CARD14: variants seen among roughly 807,000 people sequenced by gnomAD.
CARD14 encodes caspase recruitment domain family member 14, also known as caspase recruitment domain-containing protein 14.
In CARD14, 107 loss-of-function variants were observed where a neutral mutation model predicts 111.5. The ratio of observed to expected loss-of-function variants is 0.96; its 90% confidence interval spans 0.82 to 1.13. The LOEUF is 1.13. Among genes scored for constraint, CARD14 ranks in the 50% most tolerant of loss-of-function variants. CARD14 has a pLI of 0.00. For missense variants in CARD14, 1,322 were observed against 1,362.3 expected (o/e 0.97, Z 0.47); for synonymous variants, 617 against 579.6 (o/e 1.06, Z -0.93).
chr17:80,194,360 A>G (rs1444222733), intron 12 of CARD14, among the ~76,000 whole-genome samples: 1 of 152,182 alleles, frequency 6.6e-6, no homozygotes, highest in Non-Finnish European at 1.5e-5. Flanking sequence ...GGCACATAGT[A>G]GCTACTCCAG....
At chr17:80,187,971 G>T in intron 7 of CARD14, 1 of 987,240 alleles carries the variant, frequency 1.0e-6, no homozygotes, top group Non-Finnish European at 1.2e-6. Context: ...ACTTCTTACT[G>T]ATTTCCATGA....
Position 80,181,635 on chromosome 17 carries a change from G to A in CARD14, c.197G>A (p.Ser66Asn). The change falls in exon 5 of 24, where the codon AGC (serine) becomes AAC (asparagine). Residue 66 changes from serine (S) to asparagine (N), a missense_variant. By Grantham distance (46) the Ser-to-Asn change is conservative. Coordinates refer to ENST00000648509, the MANE Select transcript of CARD14 (RefSeq NM_001366385.1). Reference sequence around the variant, plus strand: ...CTGCACAGCCCCCGGCTCACCAACAGCGCCATGCGGGCCGGTGAGCGCAGC... The same window carrying A: ...CTGCACAGCCCCCGGCTCACCAACAACGCCATGCGGGCCGGTGAGCGCAGC... Reference protein sequence around the residue: ...EVLHSPRLTNSAMRAGHLLDL... With the variant: ...EVLHSPRLTNNAMRAGHLLDL... 1 of 1,549,240 alleles carries A rather than the reference G, an allele frequency of 6.5e-7. No individual in the cohort carries two copies. Among genetic ancestry groups the A allele is most frequent in the South Asian group, 1.2e-5 (1 of 84,022 alleles).
rs1054336537 is a variant in CARD14, at chr17:80,198,745, G to C, written c.1851+154G>C. ...TTCCTGGGCTGACGTAAAGCGTTCT[G>C]CTCATTTATAGATGAGAGTCGTGCC... is the stretch of plus-strand genomic sequence containing the variant. On this transcript the variant is annotated intron_variant, in intron 16 of 23. Transcript: ENST00000648509. The surrounding 1 kb of genome is among the most constrained non-coding windows in gnomAD (Gnocchi z 7.5). 7 of 1,538,484 alleles carry C rather than the reference G, an allele frequency of 4.5e-6. No individual in the cohort carries two copies. The African/African-American group carries it at 8.2e-5, about 18-fold the overall frequency.
At chr17:80,185,387 T>C (rs565936517) in intron 7 of CARD14, among the ~76,000 whole-genome samples, 1 of 152,312 alleles carries the variant, frequency 6.6e-6, no homozygotes. Flanking sequence ...GTTGTTTGTT[T>C]TTAATTTTTT....
chr17:80,183,189 G>A lies in CARD14; in HGVS notation c.349+399G>A, dbSNP rs184300815. 7.1e-4 allele frequency among the ~76,000 whole-genome samples: 108 copies of A among 152,316 alleles called. 1 individual carries two copies. Among genetic ancestry groups the A allele is most frequent in the African/African-American group, 1.4e-3 (59 of 41,578 alleles). On this transcript the variant is annotated intron_variant, in intron 6 of 23. Transcript: ENST00000648509. ...TCTTAGGAGGCGACAGAGCGGCCCC[G>A]GCCAGAGGGTACAGGGCCTTGGCAG...
chr17:80,194,988 C>T (rs1396646402), intron 12 of CARD14, among the ~76,000 whole-genome samples: 1 of 152,216 alleles, frequency 6.6e-6, no homozygotes, highest in Non-Finnish European at 1.5e-5. Context: ...TGTGTCAGTG[C>T]TGTGTGCTAA....
Position 80,183,999 on chromosome 17 carries a change from A to AAGGAGGTG in CARD14, c.437_444dup (p.Leu149ArgfsTer35). 6.3e-7 allele frequency: 1 copy of AAGGAGGTG among 1,588,218 alleles called. No homozygotes were observed. Among genetic ancestry groups the AAGGAGGTG allele is most frequent in the South Asian group, 1.1e-5 (1 of 87,552 alleles). ...GGAGCTGAACCAGGAAAAGGGGCAGAAGGAGGTGCTGCTGCGGCGGTGCCA... is the reference window on the plus strand; with the variant it reads ...GGAGCTGAACCAGGAAAAGGGGCAGAAGGAGGTGAGGAGGTGCTGCTGCGGCGGTGCCA... On this transcript the variant is annotated frameshift_variant, in exon 7 of 24. Transcript: ENST00000648509. LOFTEE classifies it high-confidence loss of function.
chr17:80,180,613 GTT>G (rs2040140279), intron 4 of CARD14, among the ~76,000 whole-genome samples: 1 of 152,144 alleles, frequency 6.6e-6, no homozygotes, highest in South Asian at 2.1e-4. Context: ...GTCTTGCTCT[GTT>G]GCCCAGGCTG....
At chr17:80,196,183 C>G (rs1388799819) in intron 14 of CARD14, 1 of 152,980 alleles carries the variant, frequency 6.5e-6, no homozygotes, top group Non-Finnish European at 1.5e-5. Context: ...TTAATCCTTT[C>G]CACCTCGGCG....
intron 20 of CARD14, 176 bp from the exon 21 acceptor site, chr17:80,204,859 C>T (rs2041196063): frequency 3.5e-6 from 2 of 577,664 alleles, no homozygotes; most frequent in Admixed American, 6.7e-5. Flanking sequence ...AGGAGCCGCT[C>T]AGCCAGGGGC....
In CARD14 at chr17:80,195,398, A is replaced by C. The variant is rs1443854166; in HGVS notation, c.1499+65A>C. ...GGGGTCCTTCCTGGCAACTCACCAGAGACACCAACCTAGACCTCAGGGCAT... is the reference window on the plus strand; with the variant it reads ...GGGGTCCTTCCTGGCAACTCACCAGCGACACCAACCTAGACCTCAGGGCAT... On this transcript the variant is annotated intron_variant, in intron 13 of 23. Transcript: ENST00000648509. The surrounding 1 kb of genome is among the most constrained non-coding windows in gnomAD (Gnocchi z 4.7). 23 of 1,563,330 alleles carry C rather than the reference A, an allele frequency of 1.5e-5. No individual in the cohort carries two copies. Among genetic ancestry groups the C allele is most frequent in the Non-Finnish European group, 2.0e-5 (23 of 1,150,720 alleles).
chr17:80,179,126 A>C lies in CARD14; in HGVS notation c.-196A>C, dbSNP rs957765526. The stretch of plus-strand genomic sequence containing the variant: ...TAGCATACAGATCCCTGCAAGAGGC[A>C]TCTGTCTCCAGTGGTCCAGCCTCTC... On this transcript the variant is annotated 5_prime_UTR_variant, in exon 4 of 24. Transcript: ENST00000648509. 6.6e-6 allele frequency: 1 copy of C among 152,206 alleles called. No homozygotes were observed. Among genetic ancestry groups the C allele is most frequent in the Non-Finnish European group, 1.5e-5 (1 of 68,056 alleles). The allele number at this position is 152,206 out of a possible 1,614,324, so 9.4% of individuals were successfully genotyped here.
intron 23 of CARD14, 115 bp downstream of exon 23, chr17:80,207,200 G>C: frequency 1.5e-6 from 1 of 664,228 alleles, no homozygotes; most frequent in Non-Finnish European, 2.5e-6. Flanking sequence ...CTGAGGCGCT[G>C]ACAGGGCCGT....
At position 80,195,818 on chromosome 17, in the gene CARD14, G is replaced by GT. The variant is rs1350872292; in HGVS notation, c.1594+167dup. 1.8e-5 allele frequency: 11 copies of GT among 615,112 alleles called. No homozygotes were observed. The East Asian group carries it at 2.3e-4, about 13-fold the overall frequency. 38.1% of individuals were successfully genotyped at this position (615,112 alleles called of 1,614,324 possible). A position where few individuals can be genotyped will look rare whatever the true frequency, so the allele number is the denominator to read the frequency against. On this transcript the variant is annotated intron_variant, in intron 14 of 23. Transcript: ENST00000648509. The surrounding 1 kb of genome is among the most constrained non-coding windows in gnomAD (Gnocchi z 4.7). ...GGCCTCGACCTTGCACTTTGGGAAA[G>GT]TCCCGCCTGCCAGCCAGCGTAAGCC... is the stretch of plus-strand genomic sequence containing the variant.
rs371741250 is a variant in CARD14, at chr17:80,189,834, C to T, written c.925C>T (p.Arg309Trp). 84 of 1,587,664 alleles carry T rather than the reference C, an allele frequency of 5.3e-5. No homozygotes were observed. The highest frequency in any genetic ancestry group is 7.1e-5 in the Non-Finnish European group (83 of 1,171,150). Residue 309 changes from arginine to tryptophan, a missense_variant, in exon 9 of 24, where the codon CGG becomes TGG. Coordinates refer to ENST00000648509, the MANE Select transcript of CARD14 (RefSeq NM_001366385.1). The surrounding 1 kb of genome is among the most constrained non-coding windows in gnomAD (Gnocchi z 4.7). ...QELVERIHSL[R>W]ERAVAAERQR... ...GCTGGTGGAGCGCATCCACTCGCTG[C>T]GGGAGCGGGCCGTGGCTGCCGAGAG...
rs76828276 is a variant in CARD14 at position 80,178,529 on chromosome 17, C to T, written c.-345C>T. 12,188 of 152,456 alleles carry T rather than the reference C, an allele frequency of 0.08. 544 individuals are homozygous for T. Among genetic ancestry groups the T allele is most frequent in the Middle Eastern group, 0.13 (38 of 296 alleles). The allele number at this position is 152,456 out of a possible 1,614,324, so 9.4% of individuals were successfully genotyped here. A position where few individuals can be genotyped will look rare whatever the true frequency, so the allele number is the denominator to read the frequency against. On this transcript the variant is annotated 5_prime_UTR_variant, in exon 3 of 24. Coordinates refer to ENST00000648509, the MANE Select transcript of CARD14 (RefSeq NM_001366385.1). The stretch of plus-strand genomic sequence containing the variant: ...TCAGGCTCTTCCTTCTGCCCAGCTC[C>T]GTCCCACCCAGCAGCCCGCAGAGAA...
chr17:80,201,895 G>A lies in CARD14; in HGVS notation c.1978+25G>A, dbSNP rs764033399. The A allele has an allele frequency of 8.8e-6, 14 of 1,590,982 alleles. No individual in the cohort carries two copies. The highest frequency in any genetic ancestry group is 1.3e-5 in the African/African-American group (1 of 74,296). The stretch of plus-strand genomic sequence containing the variant: ...GGTACACATACCACTCCTCTCGTGT[G>A]CACAGCTGCCTGGCCAGACTCCATG... On this transcript the variant is annotated intron_variant, in intron 17 of 23. Coordinates refer to ENST00000648509, the MANE Select transcript of CARD14 (RefSeq NM_001366385.1). This position sits in a 1 kb window ranked among gnomAD's most constrained non-coding sequence, Gnocchi z 5.0.
At position 80,195,441 on chromosome 17, in the gene CARD14, C is replaced by T; in HGVS notation, c.1499+108C>T. ...CAGGGCATCTGGGTATTGCAGGCAG[C>T]AGCTCCTGCCCTCGAAGCCCCAGAG... On this transcript the variant is annotated intron_variant, in intron 13 of 23. Transcript: ENST00000648509. This position sits in a 1 kb window ranked among gnomAD's most constrained non-coding sequence, Gnocchi z 4.7. 6.7e-7 allele frequency: 1 copy of T among 1,501,452 alleles called. No individual in the cohort carries two copies. Among genetic ancestry groups the T allele is most frequent in the Non-Finnish European group, 9.0e-7 (1 of 1,116,284 alleles). The allele number at this position is 1,501,452 out of a possible 1,614,324, so 93.0% of individuals were successfully genotyped here.
Position 80,195,765 on chromosome 17 carries a change from C to T in CARD14, c.1594+113C>T. 1 of 877,010 alleles carries T rather than the reference C, an allele frequency of 1.1e-6. No individual in the cohort carries two copies. The highest frequency in any genetic ancestry group is 1.8e-6 in the Non-Finnish European group (1 of 570,822). The allele number at this position is 877,010 out of a possible 1,614,324, so 54.3% of individuals were successfully genotyped here. ...AGGGAAAGGGCAGATAGAAGCAGAG[C>T]TCAACTTCTGCCCTGGGCCTTGACC... On this transcript the variant is annotated intron_variant, in intron 14 of 23. Coordinates refer to ENST00000648509, the MANE Select transcript of CARD14 (RefSeq NM_001366385.1). This position sits in a 1 kb window ranked among gnomAD's most constrained non-coding sequence, Gnocchi z 4.7.
Sources: allele counts gnomAD v4.1 joint callset (sites outside exome capture counted in the v4.1 genomes callset), GRCh38; gene constraint gnomAD v4.1.1; non-coding constraint Gnocchi (gnomAD v3.1); transcripts MANE v1.5; gene names NCBI Gene and HGNC (gene_info 2026-07-23, HGNC 2026-07-21).